The following ATP8A2 variants were observed in gnomAD, a reference collection of about 807,000 sequenced individuals.
ATP8A2 encodes ATPase phospholipid transporting 8A2.
Under a neutral mutation model 165.6 loss-of-function variants are expected in ATP8A2, and 100 were observed. The observed-to-expected ratio is 0.60, with a 90% CI of 0.51 to 0.71. The LOEUF is 0.71. ATP8A2 is among the 30% of genes least tolerant of loss of function. ATP8A2 has a pLI of 0.00. For synonymous variants in ATP8A2, 543 were observed against 548.8 expected (o/e 0.99, Z 0.15); for missense variants, 1,227 against 1,479.5 (o/e 0.83, Z 2.80).
At chr13:25,920,462 G>GC (rs1219066058) in intron 33 of ATP8A2, among the ~76,000 whole-genome samples, 9 of 152,082 alleles carry the variant, frequency 5.9e-5, no homozygotes, top group Non-Finnish European at 1.3e-4. Context: ...GTGTTCCCCT[G>GC]CCCACTTCCT....
chr13:25,936,821 A>G (rs1954904680), intron 33 of ATP8A2, among the ~76,000 whole-genome samples: 1 of 152,140 alleles, frequency 6.6e-6, no homozygotes, highest in African/African-American at 2.4e-5. Flanking sequence ...TGCTCCACTG[A>G]TGGTATTGTC....
intron 33 of ATP8A2, among the ~76,000 whole-genome samples, chr13:25,946,588 C>T (rs944902661): frequency 4.6e-5 from 7 of 152,198 alleles, no homozygotes; most frequent in African/African-American, 1.4e-4. Flanking sequence ...CTCAAACTCG[C>T]CCACGGAATG....
chr13:25,372,693 CG>C lies in ATP8A2; in HGVS notation c.76+407del, dbSNP rs1338011136. ...GCAGAGAAGATGCAGCCTTCCCTGC[CG>C]GCGGCCGGCACCGCTGTGCTGCAGA... is the stretch of plus-strand genomic sequence containing the variant. On this transcript the variant is annotated intron_variant, in intron 1 of 36. Coordinates refer to ENST00000381655, the MANE Select transcript of ATP8A2 (RefSeq NM_016529.6). This position sits in a 1 kb window ranked among gnomAD's most constrained non-coding sequence, Gnocchi z 4.8. Among the ~76,000 whole-genome samples, 1 of 152,150 alleles carries C rather than the reference CG, an allele frequency of 6.6e-6. No individual in the cohort carries two copies. Among genetic ancestry groups the C allele is most frequent in the African/African-American group, 2.4e-5 (1 of 41,442 alleles).
intron 1 of ATP8A2, among the ~76,000 whole-genome samples, chr13:25,464,091 A>T (rs1228690142): frequency 6.6e-6 from 1 of 151,862 alleles, no homozygotes; most frequent in African/African-American, 2.4e-5. Context: ...CTTCATCAAA[A>T]CCTACTGGCC....
chr13:25,921,075 A>G (rs145074570), intron 33 of ATP8A2, among the ~76,000 whole-genome samples: 11 of 152,250 alleles, frequency 7.2e-5, no homozygotes, highest in African/African-American at 2.6e-4. Flanking sequence ...GTCTCAAAAC[A>G]TAAACCACAA....
chr13:25,758,042 G>T (rs974964487), intron 25 of ATP8A2, among the ~76,000 whole-genome samples: 2 of 152,186 alleles, frequency 1.3e-5, no homozygotes, highest in African/African-American at 4.8e-5. Flanking sequence ...CCTCCAAAAG[G>T]AGATAACCTG....
intron 24 of ATP8A2, among the ~76,000 whole-genome samples, chr13:25,655,317 G>A (rs574374060): frequency 2.0e-5 from 3 of 152,158 alleles, no homozygotes; most frequent in African/African-American, 7.2e-5. Context: ...CTGCCACCAC[G>A]CCTGGCTAAT....
intron 2 of ATP8A2, among the ~76,000 whole-genome samples, chr13:25,504,142 G>T (rs923055729): frequency 1.3e-5 from 2 of 152,162 alleles, no homozygotes; most frequent in Non-Finnish European, 2.9e-5. Context: ...TTGCTCATTG[G>T]TATTTTTGTG....
chr13:25,637,602 C>T (rs552317907), intron 24 of ATP8A2, among the ~76,000 whole-genome samples: 75 of 152,260 alleles, frequency 4.9e-4, no homozygotes, highest in African/African-American at 1.6e-3. Context: ...GTAAACAAAG[C>T]GGCCAGGAAG....
chr13:25,981,808 T>C (rs1956174338), intron 35 of ATP8A2, among the ~76,000 whole-genome samples: 1 of 152,198 alleles, frequency 6.6e-6, no homozygotes, highest in Non-Finnish European at 1.5e-5. Flanking sequence ...ATGTGAAGTC[T>C]TTAGTAAGAA....
chr13:25,986,238 ACT>A (rs1271128958), intron 35 of ATP8A2, among the ~76,000 whole-genome samples: 1 of 152,168 alleles, frequency 6.6e-6, no homozygotes, highest in Non-Finnish European at 1.5e-5. Context: ...CTGAAGATCT[ACT>A]CTCAGCACAT....
chr13:25,442,036 G>C (rs1298249745), intron 1 of ATP8A2, among the ~76,000 whole-genome samples: 1 of 152,190 alleles, frequency 6.6e-6, no homozygotes, highest in South Asian at 2.1e-4. Flanking sequence ...ATGTCCTCCA[G>C]CTTCATCCAT....
At chr13:25,736,978 T>A (rs1279849434) in intron 25 of ATP8A2, among the ~76,000 whole-genome samples, 1 of 152,118 alleles carries the variant, frequency 6.6e-6, no homozygotes, top group African/African-American at 2.4e-5. Flanking sequence ...TGTGTTGAAG[T>A]CAACTGTCAC....
At chr13:25,863,373 T>G (rs902094642) in intron 33 of ATP8A2, 2 of 152,328 alleles carry the variant, frequency 1.3e-5, no homozygotes, top group African/African-American at 4.8e-5. Flanking sequence ...CCTGGTCCTC[T>G]CTCCATATCT....
intron 24 of ATP8A2, among the ~76,000 whole-genome samples, chr13:25,612,277 TGAACTTTCCTCTTAGCACTG>T (rs1199815877): frequency 1.3e-5 from 2 of 152,188 alleles, no homozygotes; most frequent in Non-Finnish European, 2.9e-5. Context: ...TTTAATGCTA[TGAACTTTCCTCTTAGCACTG>T]CCTTTGTCGT....
At chr13:25,646,360 A>G (rs984531005) in intron 24 of ATP8A2, among the ~76,000 whole-genome samples, 1 of 152,100 alleles carries the variant, frequency 6.6e-6, no homozygotes, top group African/African-American at 2.4e-5. Flanking sequence ...CTTTAAAAAA[A>G]GCATTTAGGG....
chr13:25,904,863 T>G (rs1233085394), intron 33 of ATP8A2, among the ~76,000 whole-genome samples: 1 of 152,238 alleles, frequency 6.6e-6, no homozygotes, highest in Non-Finnish European at 1.5e-5. Context: ...TCACATATAG[T>G]TCTTTTACCC....
chr13:25,759,156 G>A (rs529623791), intron 25 of ATP8A2, among the ~76,000 whole-genome samples: 10 of 152,252 alleles, frequency 6.6e-5, no homozygotes, highest in Admixed American at 1.3e-4. Context: ...GCTTGGATTA[G>A]GACTGAGGTG....
chr13:25,502,074 A>G (rs1026359978), intron 2 of ATP8A2, among the ~76,000 whole-genome samples: 1 of 152,196 alleles, frequency 6.6e-6, no homozygotes, highest in Non-Finnish European at 1.5e-5. Flanking sequence ...TTCACTTCCT[A>G]ACTCTGTTAG....
Sources: gnomAD v4.1 joint callset for allele counts (sites outside exome capture counted in the v4.1 genomes callset) on GRCh38, gnomAD v4.1.1 for gene constraint, Gnocchi (gnomAD v3.1) non-coding constraint, MANE v1.5 for transcripts, NCBI Gene and HGNC (gene_info 2026-07-23, HGNC 2026-07-21) for gene names.